Variants in PPP6R2 observed in about 807,000 individuals in gnomAD.
PPP6R2 encodes protein phosphatase 6 regulatory subunit 2, also known as serine/threonine-protein phosphatase 6 regulatory subunit 2.
A neutral mutation model predicts 100.2 loss-of-function variants in PPP6R2; 62 were observed. That is an observed-to-expected ratio of 0.62 (90% CI 0.50 to 0.76). The LOEUF (loss-of-function observed/expected upper bound fraction) is 0.76, where lower values mean the gene tolerates loss of function less well. Ranked by LOEUF, PPP6R2 falls within the 30% of genes least tolerant of loss-of-function variation. The pLI, the probability that PPP6R2 is intolerant of heterozygous loss-of-function variation, is 0.00. For missense variants in PPP6R2, 1,142 were observed against 1,276.3 expected (o/e 0.89, Z 1.60); for synonymous variants, 525 against 514.7 (o/e 1.02, Z -0.27).
Position 50,411,868 on chromosome 22 carries a change from ACT to A in PPP6R2, c.415-2681_415-2680del, listed in dbSNP as rs541846409. On this transcript the variant is annotated intron_variant, in intron 4 of 23. Coordinates refer to ENST00000612753, the MANE Select transcript of PPP6R2 (RefSeq NM_001242898.2). ...AGACCGTCCTGGCTAACACGGTGAAACTCTGTCTCTACTAAAAATACAAAAAA... is the reference window on the plus strand; with the variant it reads ...AGACCGTCCTGGCTAACACGGTGAAACTGTCTCTACTAAAAATACAAAAAA... Among the ~76,000 whole-genome samples the A allele has an allele frequency of 4.4e-3, 662 of 152,018 alleles. 8 individuals carry two copies. The highest frequency in any genetic ancestry group is 0.015 in the African/African-American group (617 of 41,488).
chr22:50,351,039 T>TTG (rs1555959884), intron 1 of PPP6R2, among the ~76,000 whole-genome samples: 14 of 105,172 alleles, frequency 1.3e-4, no homozygotes, highest in African/African-American at 5.1e-4. Flanking sequence ...TTTTTTTTTT[T>TTG]TTTTTTTTTT....
chr22:50,438,276 G>C lies in PPP6R2; in HGVS notation c.1942G>C (p.Ala648Pro). ...GGAGGACAGTGACACTCGCTGTGCTGCCCGGGTGATGGCCAGACCCAGGTG... is the reference window on the plus strand; with the variant it reads ...GGAGGACAGTGACACTCGCTGTGCTCCCCGGGTGATGGCCAGACCCAGGTG... Reference protein sequence around the residue: ...IWEDSDTRCAARVMARPRFGA... With the variant: ...IWEDSDTRCAPRVMARPRFGA... The change falls in exon 18 of 24, where the codon GCC (alanine) becomes CCC (proline). Residue 648 changes from alanine to proline, a missense_variant. Ala to Pro is a conservative substitution (Grantham distance 27). Transcript: ENST00000612753. The C allele has an allele frequency of 6.2e-7, 1 of 1,613,302 alleles. No homozygotes were observed.
At chr22:50,440,234 C>G (rs2065269923) in intron 21 of PPP6R2, among the ~76,000 whole-genome samples, 185 bp downstream of exon 21, 1 of 152,100 alleles carries the variant, frequency 6.6e-6, no homozygotes, top group African/African-American at 2.4e-5. Flanking sequence ...GGGGAGGCCC[C>G]CAGAGGGGAG....
upstream of PPP6R2, among the ~76,000 whole-genome samples, chr22:50,339,669 AGTGTGTGTT>A (rs1410016086): frequency 4.2e-5 from 2 of 47,474 alleles, no homozygotes; most frequent in East Asian, 1.4e-3. Flanking sequence ...GTATGTTTCG[AGTGTGTGTT>A]GTGTGTGGTG....
At chr22:50,349,972 G>T (rs2044661091) in intron 1 of PPP6R2, among the ~76,000 whole-genome samples, 1 of 151,960 alleles carries the variant, frequency 6.6e-6, no homozygotes. Context: ...ACAAAAATTA[G>T]CCAGGCGTGG....
At chr22:50,370,570 A>T (rs1254828064) in intron 1 of PPP6R2, among the ~76,000 whole-genome samples, 3 of 151,714 alleles carry the variant, frequency 2.0e-5, no homozygotes, top group Non-Finnish European at 2.9e-5. Context: ...TACAGGCGTG[A>T]GCCACCACGC....
the PPP6R2 span, among the ~76,000 whole-genome samples, chr22:50,333,376 G>C: frequency 6.8e-6 from 1 of 146,518 alleles, no homozygotes; most frequent in Admixed American, 7.0e-5. Context: ...TCGCTCTGTC[G>C]CCCAGGCTAG....
intron 3 of PPP6R2, among the ~76,000 whole-genome samples, chr22:50,399,290 T>C (rs2057647518): frequency 6.6e-6 from 1 of 152,228 alleles, no homozygotes; most frequent in African/African-American, 2.4e-5. Context: ...GAGTAAATAC[T>C]TTAGGCTTTG....
chr22:50,349,655 G>A (rs1444216334), intron 1 of PPP6R2, among the ~76,000 whole-genome samples: 1 of 151,852 alleles, frequency 6.6e-6, no homozygotes, highest in African/African-American at 2.4e-5. Context: ...GTGAAACCCC[G>A]TCTTTACTAA....
In PPP6R2 at chr22:50,444,480, G is replaced by A. The variant is rs537787960; in HGVS notation, c.*233G>A. 13 of 347,838 alleles carry A rather than the reference G, an allele frequency of 3.7e-5. No individual in the cohort carries two copies. The highest frequency in any genetic ancestry group is 9.3e-5 in the African/African-American group (4 of 42,918). 21.5% of individuals were successfully genotyped at this position (347,838 alleles called of 1,614,324 possible). On this transcript the variant is annotated 3_prime_UTR_variant, in exon 24 of 24. Transcript: ENST00000612753. ...TGGAGGACAGAGGGGCACCTCAGCC[G>A]CCCCCAAGCCCAGAGCACAGCAATA...
At chr22:50,356,827 G>A (rs569968443) in intron 1 of PPP6R2, among the ~76,000 whole-genome samples, 18 of 152,012 alleles carry the variant, frequency 1.2e-4, no homozygotes, top group African/African-American at 3.6e-4. Flanking sequence ...CCAGCTACTT[G>A]GGAGGCTGAG....
chr22:50,357,003 A>G (rs541812818), intron 1 of PPP6R2, among the ~76,000 whole-genome samples: 4 of 152,054 alleles, frequency 2.6e-5, no homozygotes, highest in African/African-American at 9.6e-5. Flanking sequence ...CACTCCTACT[A>G]GTAATGGGTG....
At chr22:50,420,493 A>C (rs563012126) in intron 8 of PPP6R2, among the ~76,000 whole-genome samples, 1 of 152,302 alleles carries the variant, frequency 6.6e-6, no homozygotes, top group East Asian at 1.9e-4. Context: ...TTGAGGATAT[A>C]GGTGCTGGAG....
At chr22:50,436,661 G>A (rs1211732674) in intron 14 of PPP6R2, among the ~76,000 whole-genome samples, 2 of 152,242 alleles carry the variant, frequency 1.3e-5, no homozygotes, top group Admixed American at 1.3e-4. Context: ...CCCAGGGCTG[G>A]GTCTCTGAGG....
At chr22:50,427,909 A>G (rs1231921406) in intron 10 of PPP6R2, among the ~76,000 whole-genome samples, 1 of 152,136 alleles carries the variant, frequency 6.6e-6, no homozygotes, top group African/African-American at 2.4e-5. Flanking sequence ...TTTAGTAGAG[A>G]CAGGGTTTCA....
At chr22:50,337,212 T>G in the PPP6R2 span, among the ~76,000 whole-genome samples, 15 of 47,196 alleles carry the variant, frequency 3.2e-4, no homozygotes, top group African/African-American at 2.9e-3. Context: ...GGGTATAGTG[T>G]GTGTGGGGTA....
rs374964031 is a variant in PPP6R2, at chr22:50,424,039, G to T, written c.1125+425G>T. Among the ~76,000 whole-genome samples the T allele has an allele frequency of 3.3e-5, 5 of 152,368 alleles. No individual in the cohort carries two copies. The South Asian group carries it at 6.2e-4, about 19-fold the overall frequency. On this transcript the variant is annotated intron_variant, in intron 10 of 23. Coordinates refer to ENST00000612753, the MANE Select transcript of PPP6R2 (RefSeq NM_001242898.2). ...CAGTTTTTGTCAAAGCCAGCGGGCA[G>T]TGCCTCTCCATCCCGCAGACGGCTT...
rs769542683 is a variant in PPP6R2, at chr22:50,439,832, T to C, written c.2260T>C (p.Phe754Leu). The C allele has an allele frequency of 3.1e-6, 5 of 1,613,428 alleles. No individual in the cohort carries two copies. In the African/African-American group the frequency reaches 5.3e-5, roughly 17 times the overall value. Residue 754 changes from phenylalanine to leucine, a missense_variant, in exon 20 of 24, where the codon TTC becomes CTC. This residue lies in a region of PPP6R2 where 550 missense variants were observed against 517.4 expected (regional missense o/e 1.06). Transcript: ENST00000612753. Reference protein sequence around the residue: ...SAPEEKGWAKFTDFQPFCCSE... With the variant: ...SAPEEKGWAKLTDFQPFCCSE... ...TCCAGAGGAGAAAGGCTGGGCCAAG[T>C]TCACTGACTTCCAACCTTTCTGCTG... is the stretch of plus-strand genomic sequence containing the variant.
In PPP6R2 at chr22:50,351,026, G is replaced by GTTTT. The variant is rs1195469509; in HGVS notation, c.-148+7504_-148+7507dup. Among the ~76,000 whole-genome samples the GTTTT allele has an allele frequency of 7.3e-4, 59 of 80,720 alleles. 3 individuals are homozygous for GTTTT. The highest frequency in any genetic ancestry group is 1.4e-3 in the South Asian group (3 of 2,126). 53.0% of individuals were successfully genotyped at this position (80,720 alleles called of 152,430 possible). A position where few individuals can be genotyped will look rare whatever the true frequency, so the allele number is the denominator to read the frequency against. On this transcript the variant is annotated intron_variant, in intron 1 of 23. Coordinates refer to ENST00000612753, the MANE Select transcript of PPP6R2 (RefSeq NM_001242898.2). ...TTTCTGAGCAGTAGGTCTCAACAGT[G>GTTTT]TTTTTTTTTTTTTTTTTTTTTTTTT...
Sources: allele counts gnomAD v4.1 joint callset (sites outside exome capture counted in the v4.1 genomes callset), GRCh38; gene constraint gnomAD v4.1.1; regional missense constraint gnomAD v4.1.1; transcripts MANE v1.5; gene names NCBI Gene and HGNC (gene_info 2026-07-23, HGNC 2026-07-21).